Variants in ZMYND8 observed in about 807,000 individuals in gnomAD.
ZMYND8 encodes zinc finger MYND-type containing 8, also known as MYND-type zinc finger-containing chromatin reader ZMYND8.
ZMYND8 carries 37 observed loss-of-function variants against 140.8 expected under a neutral mutation model. That is an observed-to-expected ratio of 0.26 (90% CI 0.20 to 0.35). The LOEUF (loss-of-function observed/expected upper bound fraction) is 0.35, where lower values mean the gene tolerates loss of function less well. Ranked by LOEUF, ZMYND8 falls within the 10% of genes least tolerant of loss-of-function variation. The pLI is 1.00. For missense variants in ZMYND8, 1,068 were observed against 1,570.0 expected (o/e 0.68, Z 5.40); for synonymous variants, 592 against 597.1 (o/e 0.99, Z 0.12).
chr20:47,324,677 C>T (rs370418333), intron 2 of ZMYND8, among the ~76,000 whole-genome samples: 1 of 152,076 alleles, frequency 6.6e-6, no homozygotes, highest in Non-Finnish European at 1.5e-5. Context: ...CAGCTCCAAC[C>T]CCAATGGCCT....
At chr20:47,249,968 G>C (rs1221835449) in intron 12 of ZMYND8, among the ~76,000 whole-genome samples, 1 of 152,096 alleles carries the variant, frequency 6.6e-6, no homozygotes, top group Non-Finnish European at 1.5e-5. Flanking sequence ...GACCTAGTCT[G>C]GGGTGGAAAC....
intron 1 of ZMYND8, chr20:47,356,304 G>C: frequency 7.7e-7 from 1 of 1,307,026 alleles, no homozygotes. Flanking sequence ...CAGAGAGAGA[G>C]AGAGGGGAAG....
At chr20:47,240,332 T>C (rs1232080439) in intron 14 of ZMYND8, among the ~76,000 whole-genome samples, 12 of 151,862 alleles carry the variant, frequency 7.9e-5, no homozygotes, top group Admixed American at 5.2e-4. Flanking sequence ...CTGGCCAACA[T>C]AGTGAAACCC....
intron 2 of ZMYND8, among the ~76,000 whole-genome samples, chr20:47,331,750 C>T (rs2080962073): frequency 6.6e-6 from 1 of 152,160 alleles, no homozygotes; most frequent in Non-Finnish European, 1.5e-5. Flanking sequence ...TCAGCATCTC[C>T]AGTACTGCAG....
intron 21 of ZMYND8, 61 bp from the exon 22 acceptor site, chr20:47,212,786 CA>C (rs1259665733): frequency 6.9e-7 from 1 of 1,442,690 alleles, no homozygotes; most frequent in African/African-American, 1.4e-5. Flanking sequence ...CGCACAACCC[CA>C]AGTGCTTACT....
At chr20:47,252,736 T>C (rs1221759286) in intron 12 of ZMYND8, among the ~76,000 whole-genome samples, 1 of 152,014 alleles carries the variant, frequency 6.6e-6, no homozygotes, top group Non-Finnish European at 1.5e-5. Flanking sequence ...CTGGGCAACA[T>C]GGTGAAACCC....
intron 5 of ZMYND8, among the ~76,000 whole-genome samples, chr20:47,293,180 G>C (rs1461631462): frequency 2.1e-4 from 6 of 29,062 alleles, no homozygotes; most frequent in Admixed American, 3.4e-4. Context: ...GGGAGGGAGG[G>C]AGGGAGGCAG....
intron 11 of ZMYND8, among the ~76,000 whole-genome samples, chr20:47,267,570 C>T (rs757436237): frequency 1.5e-4 from 23 of 152,146 alleles, no homozygotes; most frequent in Non-Finnish European, 2.8e-4. Context: ...GTAAGCACTT[C>T]CCACAGGTCT....
At chr20:47,270,742 T>C (rs948332787) in intron 11 of ZMYND8, among the ~76,000 whole-genome samples, 1 of 148,530 alleles carries the variant, frequency 6.7e-6, no homozygotes, top group African/African-American at 2.5e-5. Context: ...AAGAAAAAGC[T>C]GGAGTAGTTC....
chr20:47,311,167 G>C (rs1433218578), intron 2 of ZMYND8, among the ~76,000 whole-genome samples: 1 of 152,086 alleles, frequency 6.6e-6, no homozygotes, highest in East Asian at 1.9e-4. Context: ...CACCCACCGG[G>C]AAGTTCCCGT....
intron 2 of ZMYND8, among the ~76,000 whole-genome samples, chr20:47,346,666 G>A (rs1213098072): frequency 1.3e-5 from 2 of 152,086 alleles, no homozygotes; most frequent in Non-Finnish European, 2.9e-5. Context: ...GAGTGCAGTG[G>A]TGCGATCTCA....
rs1385430929 is a variant in ZMYND8 at position 47,282,007 on chromosome 20, GAAT to G, written c.998+92_998+94del. On this transcript the variant is annotated intron_variant, in intron 10 of 22. Coordinates refer to ENST00000471951, the MANE Select transcript of ZMYND8 (RefSeq NM_001281775.3). ...ATGGTTGGTATCATGACAATAATGA[GAAT>G]AATAGCTGCAGCCTCCACTTCTTTT... is the stretch of plus-strand genomic sequence containing the variant. 1.6e-5 allele frequency: 16 copies of G among 1,020,374 alleles called. No individual in the cohort carries two copies. In the East Asian group the frequency reaches 3.8e-4, roughly 24 times the overall value. The allele number at this position is 1,020,374 out of a possible 1,614,324, so 63.2% of individuals were successfully genotyped here.
intron 3 of ZMYND8, among the ~76,000 whole-genome samples, chr20:47,303,238 T>C (rs768482648): frequency 5.9e-5 from 9 of 152,102 alleles, no homozygotes; most frequent in Non-Finnish European, 1.3e-4. Flanking sequence ...TGTTGAAAGA[T>C]AAGCTATACA....
At chr20:47,303,893 T>C (rs1017227188) in intron 3 of ZMYND8, among the ~76,000 whole-genome samples, 10 of 152,320 alleles carry the variant, frequency 6.6e-5, no homozygotes, top group Middle Eastern at 3.4e-3. Flanking sequence ...GCCTGGCTGC[T>C]CTGTACTCTT....
At chr20:47,225,380 G>A (rs189259269) in intron 18 of ZMYND8, among the ~76,000 whole-genome samples, 11 of 151,452 alleles carry the variant, frequency 7.3e-5, no homozygotes, top group Admixed American at 1.3e-4. Context: ...GGCCAACATG[G>A]TGAAACCCTG....
At chr20:47,235,522 T>C (rs2039111994) in intron 16 of ZMYND8, among the ~76,000 whole-genome samples, 1 of 152,080 alleles carries the variant, frequency 6.6e-6, no homozygotes, top group Non-Finnish European at 1.5e-5. Flanking sequence ...CTGGTCGACA[T>C]GGCGAAACCC....
chr20:47,319,285 G>A (rs563481023), intron 2 of ZMYND8: 57 of 328,032 alleles, frequency 1.7e-4, no homozygotes, highest in African/African-American at 1.2e-3. Flanking sequence ...CTCCGGTGCA[G>A]TGCACCGAAG....
rs757810930 is a variant in ZMYND8, at chr20:47,356,629, A to T, written c.14+28T>A. 1.5e-5 allele frequency: 24 copies of T among 1,613,964 alleles called. No homozygotes were observed. In the South Asian group the frequency reaches 2.6e-4, roughly 18 times the overall value. On this transcript the variant is annotated intron_variant, in intron 1 of 22. Coordinates refer to ENST00000471951, the MANE Select transcript of ZMYND8 (RefSeq NM_001281775.3). The stretch of plus-strand genomic sequence containing the variant: ...TTCGGATGTCTCAGAGGGAGGGGGA[A>T]AAAAGATGGTTAAAAAGTCGAGCTT...
At chr20:47,355,931 G>C (rs1320076246) in intron 1 of ZMYND8, among the ~76,000 whole-genome samples, 2 of 151,050 alleles carry the variant, frequency 1.3e-5, no homozygotes, top group Non-Finnish European at 2.9e-5. Flanking sequence ...CTGGCTTGCA[G>C]AACACTCTGT....
Sources: gnomAD v4.1 joint callset for allele counts (sites outside exome capture counted in the v4.1 genomes callset) on GRCh38, gnomAD v4.1.1 for gene constraint, MANE v1.5 for transcripts, NCBI Gene and HGNC (gene_info 2026-07-23, HGNC 2026-07-21) for gene names.